The following RHBDD1 variants were observed in gnomAD, a reference collection of about 807,000 sequenced individuals.
RHBDD1 encodes rhomboid-related protein 4.
A neutral mutation model predicts 36.3 loss-of-function variants in RHBDD1; 38 were observed. That is an observed-to-expected ratio of 1.05 (90% CI 0.81 to 1.37). The LOEUF (loss-of-function observed/expected upper bound fraction) is 1.37, where lower values mean the gene tolerates loss of function less well. RHBDD1 is among the 40% of genes most tolerant of loss of function. The probability of loss-of-function intolerance (pLI) is 0.00; values close to 1 mark genes in which losing one functional copy is unlikely to be tolerated. For missense variants in RHBDD1, 393 were observed against 377.6 expected (o/e 1.04, Z -0.34); for synonymous variants, 151 against 136.5 (o/e 1.11, Z -0.74).
intron 8 of RHBDD1, among the ~76,000 whole-genome samples, chr2:226,961,175 T>C (rs1952168005): frequency 6.6e-6 from 1 of 152,114 alleles, no homozygotes. Flanking sequence ...CAGGTCTGAG[T>C]TGGAATCCCA....
At chr2:226,846,560 A>G (rs1218070591) in intron 3 of RHBDD1, among the ~76,000 whole-genome samples, 1 of 152,094 alleles carries the variant, frequency 6.6e-6, no homozygotes, top group Non-Finnish European at 1.5e-5. Context: ...CCTGGCCAAC[A>G]TGGTGAAACC....
At chr2:226,874,412 G>A (rs761108492) in intron 5 of RHBDD1, among the ~76,000 whole-genome samples, 3 of 152,134 alleles carry the variant, frequency 2.0e-5, no homozygotes, top group African/African-American at 4.8e-5. Flanking sequence ...AAACCTGGGG[G>A]CTTACAATAA....
intron 8 of RHBDD1, among the ~76,000 whole-genome samples, chr2:226,969,865 C>T (rs1238543475): frequency 2.6e-5 from 4 of 152,196 alleles, no homozygotes. Context: ...TATTTAAACA[C>T]ACTGTATATC....
chr2:226,916,154 A>C (rs1186879013), intron 8 of RHBDD1, among the ~76,000 whole-genome samples: 3 of 152,346 alleles, frequency 2.0e-5, no homozygotes, highest in African/African-American at 7.2e-5. Context: ...TATTCTGTAT[A>C]CTGTTACTGA....
intron 8 of RHBDD1, among the ~76,000 whole-genome samples, chr2:226,917,461 G>GCGA (rs1948994520): frequency 6.6e-6 from 1 of 152,070 alleles, no homozygotes; most frequent in South Asian, 2.1e-4. Flanking sequence ...AGACTCGCTT[G>GCGA]GTGAGAAGAG....
At chr2:226,914,420 T>A in intron 8 of RHBDD1, 69 bp downstream of exon 8, 2 of 1,508,798 alleles carry the variant, frequency 1.3e-6, no homozygotes, top group South Asian at 2.6e-5. Context: ...GAAAAAGAGC[T>A]ATTTGTAGCA....
intron 3 of RHBDD1, among the ~76,000 whole-genome samples, chr2:226,851,524 C>T (rs1421793762): frequency 2.6e-5 from 4 of 151,994 alleles, no homozygotes; most frequent in Non-Finnish European, 5.9e-5. Context: ...GGAAGCGTCA[C>T]CTCTCTGGGA....
intron 8 of RHBDD1, among the ~76,000 whole-genome samples, chr2:226,927,025 G>A (rs1242722444): frequency 1.3e-5 from 2 of 152,052 alleles, no homozygotes; most frequent in African/African-American, 4.8e-5. Context: ...CAGAAGTATA[G>A]AGTGGTTTAT....
At chr2:226,835,892 A>C (rs1246589256), upstream of RHBDD1, 1 of 152,414 alleles carries the variant, frequency 6.6e-6, no homozygotes, top group African/African-American at 2.4e-5. Context: ...CCTTAGAGCC[A>C]CTGCCGGCGC....
At chr2:226,864,071 T>G (rs956388081) in intron 3 of RHBDD1, among the ~76,000 whole-genome samples, 3 of 152,210 alleles carry the variant, frequency 2.0e-5, no homozygotes, top group African/African-American at 7.2e-5. Context: ...GAAGTTGTTA[T>G]GAAAGTAGAG....
chr2:226,940,429 TATTTATA>T (rs1476116682), intron 8 of RHBDD1, among the ~76,000 whole-genome samples: 2 of 152,194 alleles, frequency 1.3e-5, no homozygotes, highest in African/African-American at 4.8e-5. Context: ...TCTCTTTTGG[TATTTATA>T]AAGAGCCACG....
upstream of RHBDD1, among the ~76,000 whole-genome samples, chr2:226,832,260 A>G (rs539019356): frequency 2.7e-3 from 407 of 152,242 alleles, 4 homozygotes; most frequent in African/African-American, 9.3e-3. Flanking sequence ...CCCATGAGTA[A>G]TCTAATTTCC....
intron 7 of RHBDD1, among the ~76,000 whole-genome samples, chr2:226,912,681 G>A (rs1948602527): frequency 1.3e-5 from 2 of 152,124 alleles, no homozygotes; most frequent in Non-Finnish European, 2.9e-5. Flanking sequence ...AAGTAGATTA[G>A]TGCTTACTTA....
At chr2:226,949,631 AATTAT>A (rs1367412404) in intron 8 of RHBDD1, among the ~76,000 whole-genome samples, 2 of 152,174 alleles carry the variant, frequency 1.3e-5, no homozygotes, top group Admixed American at 6.5e-5. Flanking sequence ...TTTGATTAAT[AATTAT>A]ATTAGTTTGC....
chr2:226,833,186 T>C (rs1191631158), upstream of RHBDD1, among the ~76,000 whole-genome samples: 1 of 152,206 alleles, frequency 6.6e-6, no homozygotes, highest in Non-Finnish European at 1.5e-5. Context: ...TGCAAGCTTT[T>C]CCATAACTAG....
At chr2:226,819,388 G>T in the RHBDD1 span, among the ~76,000 whole-genome samples, 9 of 152,180 alleles carry the variant, frequency 5.9e-5, no homozygotes, top group African/African-American at 2.2e-4. Flanking sequence ...CGAAAGGAAA[G>T]ATACTGCTTA....
At chr2:226,928,336 A>G (rs1008822099) in intron 8 of RHBDD1, among the ~76,000 whole-genome samples, 1 of 152,156 alleles carries the variant, frequency 6.6e-6, no homozygotes, top group African/African-American at 2.4e-5. Context: ...ACTAGAAATC[A>G]GTTCTAAAAG....
At chr2:226,829,720 TTAA>T in the RHBDD1 span, among the ~76,000 whole-genome samples, 49 of 152,174 alleles carry the variant, frequency 3.2e-4, no homozygotes, top group Admixed American at 6.5e-5. Context: ...GCTAAACTTA[TTAA>T]TTTTAGTAGT....
At chr2:226,898,296 T>C (rs1242459957) in intron 5 of RHBDD1, among the ~76,000 whole-genome samples, 1 of 152,216 alleles carries the variant, frequency 6.6e-6, no homozygotes, top group Non-Finnish European at 1.5e-5. Context: ...TGCTAAACAT[T>C]GTCTGTTATC....
Sources: allele counts gnomAD v4.1 joint callset (sites outside exome capture counted in the v4.1 genomes callset), GRCh38; gene constraint gnomAD v4.1.1; transcripts MANE v1.5; gene names NCBI Gene and HGNC (gene_info 2026-07-23, HGNC 2026-07-21).